Variants in RAPGEF2 observed in about 807,000 individuals in gnomAD.
The protein encoded by RAPGEF2 is PDZ domain containing guanine nucleotide exchange factor (GEF) 1.
In RAPGEF2, 54 loss-of-function variants were observed where a neutral mutation model predicts 186.7. That is an observed-to-expected ratio of 0.29 (90% CI 0.23 to 0.36). The LOEUF (loss-of-function observed/expected upper bound fraction) is 0.36, where lower values mean the gene tolerates loss of function less well. Among genes scored for constraint, RAPGEF2 ranks in the 10% least tolerant of loss-of-function variants. RAPGEF2 has a pLI of 1.00. For synonymous variants in RAPGEF2, 712 were observed against 705.9 expected, an observed-to-expected ratio of 1.01 and a Z score of -0.14; for missense variants, 1,532 against 2,045.0, an observed-to-expected ratio of 0.75 and a Z score of 4.84.
At chr4:159,275,054 C>CGTGTGTGTGTGTGTGT (rs35461332) in intron 7 of RAPGEF2, among the ~76,000 whole-genome samples, 1 of 143,868 alleles carries the variant, frequency 7.0e-6, no homozygotes, top group Non-Finnish European at 1.5e-5. Context: ...CTCTGTCTCT[C>CGTGTGTGTGTGTGTGT]GTGTGTGTGT....
chr4:159,270,720 T>A (rs1234859603), intron 7 of RAPGEF2, among the ~76,000 whole-genome samples: 7 of 152,222 alleles, frequency 4.6e-5, no homozygotes, highest in Non-Finnish European at 1.0e-4. Context: ...AATTTCTCTT[T>A]AAATTTTTGG....
At chr4:159,119,997 C>T (rs1278706292) in intron 1 of RAPGEF2, among the ~76,000 whole-genome samples, 2 of 152,078 alleles carry the variant, frequency 1.3e-5, no homozygotes, top group Non-Finnish European at 2.9e-5. Flanking sequence ...CATTTGTCAT[C>T]ACTCCCCAAA....
At chr4:159,298,210 C>T (rs988574826) in intron 7 of RAPGEF2, among the ~76,000 whole-genome samples, 8 of 152,116 alleles carry the variant, frequency 5.3e-5, no homozygotes, top group African/African-American at 1.7e-4. Context: ...ACTCATGACA[C>T]ATTTAGAAAA....
In RAPGEF2 at chr4:159,304,394, T is replaced by A; in HGVS notation, c.596T>A (p.Val199Glu). ...LHLTDSLHPQ[V>E]THVSSSHSGC... is the part of the protein sequence containing the mutation. ...CTTACTGACAGTCTCCACCCACAGG[T>A]GACCCACGTTTCTTCTAGCCATTCA... The change falls in exon 8 of 30, where the codon GTG (valine) becomes GAG (glutamate). Residue 199 changes from valine (V) to glutamate (E), a missense_variant. Transcript: ENST00000691494. 4 of 1,603,246 alleles carry A rather than the reference T, an allele frequency of 2.5e-6. No homozygotes were observed. Among genetic ancestry groups the A allele is most frequent in the Non-Finnish European group, 3.4e-6 (4 of 1,170,444 alleles).
chr4:159,198,334 C>T (rs868021188), intron 3 of RAPGEF2, among the ~76,000 whole-genome samples: 1 of 83,946 alleles, frequency 1.2e-5, no homozygotes, highest in African/African-American at 6.5e-5. Context: ...TTCTTTCTTT[C>T]TTTTTCTTTC....
At chr4:159,260,659 A>C (rs190447386) in intron 7 of RAPGEF2, among the ~76,000 whole-genome samples, 1 of 152,320 alleles carries the variant, frequency 6.6e-6, no homozygotes, top group East Asian at 1.9e-4. Flanking sequence ...CATCCTTTAC[A>C]GAATGAGTGT....
At chr4:159,104,610 C>G (rs1467841614) in intron 1 of RAPGEF2, among the ~76,000 whole-genome samples, 2 of 150,250 alleles carry the variant, frequency 1.3e-5, no homozygotes, top group Non-Finnish European at 3.0e-5. Context: ...TTTCCCTCTC[C>G]CCAGCCGCCC....
At chr4:159,278,762 G>A (rs1365094856) in intron 7 of RAPGEF2, among the ~76,000 whole-genome samples, 1 of 152,122 alleles carries the variant, frequency 6.6e-6, no homozygotes, top group Admixed American at 6.5e-5. Context: ...CTTTTAACAT[G>A]GAATCTTCAT....
chr4:159,182,648 G>A (rs533495181), intron 1 of RAPGEF2, among the ~76,000 whole-genome samples: 3 of 152,024 alleles, frequency 2.0e-5, no homozygotes, highest in South Asian at 2.1e-4. Flanking sequence ...TGTCTACCTC[G>A]GCTTCCCAAA....
At chr4:159,190,982 A>G (rs868121260) in intron 2 of RAPGEF2, among the ~76,000 whole-genome samples, 8 of 152,218 alleles carry the variant, frequency 5.3e-5, no homozygotes, top group African/African-American at 1.7e-4. Context: ...TGGCTGTTAC[A>G]TATTCAAGTG....
intron 17 of RAPGEF2, among the ~76,000 whole-genome samples, chr4:159,335,613 C>T (rs1767294714): frequency 1.3e-5 from 2 of 151,954 alleles, no homozygotes; most frequent in Non-Finnish European, 2.9e-5. Flanking sequence ...TTTGGGAGGC[C>T]GAGGCGGTCG....
chr4:159,277,237 TACAA>T, intron 7 of RAPGEF2, among the ~76,000 whole-genome samples: 1 of 152,184 alleles, frequency 6.6e-6, no homozygotes, highest in Non-Finnish European at 1.5e-5. Flanking sequence ...TCCATGTCCC[TACAA>T]AGGACATGAA....
intron 7 of RAPGEF2, among the ~76,000 whole-genome samples, chr4:159,278,303 C>T (rs1356945229): frequency 6.6e-6 from 1 of 151,982 alleles, no homozygotes; most frequent in Non-Finnish European, 1.5e-5. Context: ...TCTGGAAGTC[C>T]TAGAACACAG....
rs1731577345 is a variant in RAPGEF2 at position 159,353,959 on chromosome 4, C to G, written c.4564C>G (p.Leu1522Val). Reference protein sequence around the residue: ...DVSIEAESSSLTSVTTEETKP... With the variant: ...DVSIEAESSSVTSVTTEETKP... ...TTCCATTGAAGCCGAAAGCAGTAGC[C>G]TAACGTCTGTGACTACGGAAGAAAC... Residue 1522 changes from leucine (L) to valine (V), a missense_variant, in exon 28 of 30, where the codon CTA becomes GTA. Leu to Val is a conservative substitution (Grantham distance 32, BLOSUM62 1). Coordinates refer to ENST00000691494, the MANE Select transcript of RAPGEF2 (RefSeq NM_001394067.2). The surrounding 1 kb of genome is among the most constrained non-coding windows in gnomAD (Gnocchi z 4.3). The G allele has an allele frequency of 6.2e-7, 1 of 1,613,828 alleles. No homozygotes were observed.
intron 4 of RAPGEF2, among the ~76,000 whole-genome samples, chr4:159,218,250 A>C (rs1219382756): frequency 1.3e-5 from 2 of 152,202 alleles, no homozygotes; most frequent in Non-Finnish European, 1.5e-5. Context: ...GTGCAGATTA[A>C]GCATGGTAGG....
chr4:159,116,197 G>C (rs189252857), intron 1 of RAPGEF2, among the ~76,000 whole-genome samples: 1 of 152,138 alleles, frequency 6.6e-6, no homozygotes, highest in Admixed American at 6.5e-5. Context: ...TCTGACAAAG[G>C]CCTAATATCC....
chr4:159,330,059 G>A lies in RAPGEF2; in HGVS notation c.1302+49G>A, dbSNP rs748636689. The A allele has an allele frequency of 1.7e-5, 26 of 1,555,994 alleles. No individual in the cohort carries two copies. In the South Asian group the frequency reaches 2.3e-4, roughly 14 times the overall value. On this transcript the variant is annotated intron_variant, in intron 12 of 29. Coordinates refer to ENST00000691494, the MANE Select transcript of RAPGEF2 (RefSeq NM_001394067.2). Reference sequence around the variant, plus strand: ...CCAAGGAAAGGAATTTTTTTTGGTAGTATTGGTTGTGGCAGTTTAGGATTT... The same window carrying A: ...CCAAGGAAAGGAATTTTTTTTGGTAATATTGGTTGTGGCAGTTTAGGATTT...
At chr4:159,274,136 A>G (rs1758547116) in intron 7 of RAPGEF2, among the ~76,000 whole-genome samples, 1 of 152,164 alleles carries the variant, frequency 6.6e-6, no homozygotes. Context: ...CAAACTCTTA[A>G]TTTATTCAGG....
At chr4:159,159,920 A>G (rs949873465) in intron 1 of RAPGEF2, among the ~76,000 whole-genome samples, 1 of 152,236 alleles carries the variant, frequency 6.6e-6, no homozygotes, top group Admixed American at 6.5e-5. Flanking sequence ...GATTGAGCCA[A>G]TTATAACACA....
Sources: gnomAD v4.1 joint callset for allele counts (sites outside exome capture counted in the v4.1 genomes callset) on GRCh38, gnomAD v4.1.1 for gene constraint, Gnocchi (gnomAD v3.1) non-coding constraint, MANE v1.5 for transcripts, NCBI Gene and HGNC (gene_info 2026-07-23, HGNC 2026-07-21) for gene names.